The following HS3ST3B1 variants were observed in gnomAD, a reference collection of about 807,000 sequenced individuals.
The protein encoded by HS3ST3B1 is heparan sulfate-glucosamine 3-sulfotransferase 3B1.
In HS3ST3B1, 13 loss-of-function variants were observed where a neutral mutation model predicts 21.3. The ratio of observed to expected loss-of-function variants is 0.61; its 90% CI spans 0.40 to 0.97. HS3ST3B1 has a LOEUF of 0.97. HS3ST3B1 is among the 50% of genes least tolerant of loss of function. The probability of loss-of-function intolerance (pLI) is 0.00; values close to 1 mark genes in which losing one functional copy is unlikely to be tolerated. For missense variants in HS3ST3B1, 459 were observed against 554.8 expected, an observed-to-expected ratio of 0.83 and a Z score of 1.73; for synonymous variants, 234 against 254.8, an observed-to-expected ratio of 0.92 and a Z score of 0.78.
intron 1 of HS3ST3B1, among the ~76,000 whole-genome samples, chr17:14,332,502 A>T (rs1002913151): frequency 6.6e-6 from 1 of 151,784 alleles, no homozygotes; most frequent in Non-Finnish European, 1.5e-5. Context: ...CTAACCTAAA[A>T]GTCTGCAACC....
chr17:14,309,091 C>CA (rs931084025), intron 1 of HS3ST3B1, among the ~76,000 whole-genome samples: 82 of 152,340 alleles, frequency 5.4e-4, no homozygotes, highest in African/African-American at 1.9e-3. Flanking sequence ...CCGACGTTGC[C>CA]ACGTGTCCGC....
intron 1 of HS3ST3B1, among the ~76,000 whole-genome samples, chr17:14,315,887 C>T (rs1909482809): frequency 1.3e-5 from 2 of 151,708 alleles, no homozygotes; most frequent in South Asian, 4.2e-4. Flanking sequence ...TATTAGAGGC[C>T]CTGAGAAATA....
chr17:14,332,008 G>T (rs1004160983), intron 1 of HS3ST3B1, among the ~76,000 whole-genome samples: 2 of 152,188 alleles, frequency 1.3e-5, no homozygotes, highest in Non-Finnish European at 2.9e-5. Context: ...ACAACTTGCA[G>T]TTCAAATTAC....
intron 1 of HS3ST3B1, among the ~76,000 whole-genome samples, chr17:14,305,889 C>A (rs780109140): frequency 4.6e-5 from 7 of 152,116 alleles, no homozygotes; most frequent in Non-Finnish European, 8.8e-5. Flanking sequence ...GGTACTTTTA[C>A]AGGTGAGGAA....
rs147623147 is a variant in HS3ST3B1 at position 14,330,754 on chromosome 17, G to A, written c.555-14274G>A. On this transcript the variant is annotated intron_variant, in intron 1 of 1. Coordinates refer to ENST00000360954, the MANE Select transcript of HS3ST3B1 (RefSeq NM_006041.3). ...GGAATGAAGCTGGGAGCAGGGAGGG[G>A]ACTACAGAGGCATGCGAAAAAGAAA... Among the ~76,000 whole-genome samples the A allele has an allele frequency of 2.9e-3, 437 of 152,198 alleles. 2 individuals carry two copies. Among genetic ancestry groups the A allele is most frequent in the Non-Finnish European group, 4.9e-3 (335 of 68,000 alleles).
intron 1 of HS3ST3B1, chr17:14,304,031 A>G (rs1163369069): frequency 3.3e-5 from 5 of 152,258 alleles, no homozygotes; most frequent in African/African-American, 1.2e-4. Flanking sequence ...TTGACTAAAA[A>G]ACGCTGAATG....
chr17:14,339,311 A>G (rs1471750915), intron 1 of HS3ST3B1, among the ~76,000 whole-genome samples: 2 of 152,202 alleles, frequency 1.3e-5, no homozygotes, highest in African/African-American at 4.8e-5. Context: ...TTGGACGCCT[A>G]TTTGAACAAT....
intron 1 of HS3ST3B1, among the ~76,000 whole-genome samples, chr17:14,318,353 G>A (rs1909562366): frequency 6.6e-6 from 1 of 152,118 alleles, no homozygotes; most frequent in Admixed American, 6.6e-5. Flanking sequence ...GGGGATGAGG[G>A]AATTGCCACG....
intron 1 of HS3ST3B1, chr17:14,327,776 T>C (rs981751628): frequency 1.3e-5 from 2 of 152,264 alleles, no homozygotes; most frequent in African/African-American, 4.8e-5. Context: ...ACAAATATTT[T>C]CAAGTGCTTG....
chr17:14,341,376 C>A (rs1310577136), intron 1 of HS3ST3B1, among the ~76,000 whole-genome samples: 1 of 152,150 alleles, frequency 6.6e-6, no homozygotes, highest in Non-Finnish European at 1.5e-5. Context: ...AGTGACAAGT[C>A]CCCTGTGCAC....
Position 14,341,824 on chromosome 17 carries a change from A to C in HS3ST3B1, c.555-3204A>C, listed in dbSNP as rs559285337. On this transcript the variant is annotated intron_variant, in intron 1 of 1. Transcript: ENST00000360954. ...GTTGCAGATGGCTTAACACAGGGGA[A>C]AAAGAACTTGGGCTTTATCTGACTT... is the stretch of plus-strand genomic sequence containing the variant. Among the ~76,000 whole-genome samples, 5 of 152,352 alleles carry C rather than the reference A, an allele frequency of 3.3e-5. No individual in the cohort carries two copies. In the South Asian group the frequency reaches 1.0e-3, roughly 32 times the overall value.
At position 14,345,535 on chromosome 17, in the gene HS3ST3B1, C is replaced by A; in HGVS notation, c.1062C>A (p.Gly354=). The A allele has an allele frequency of 1.9e-6, 3 of 1,602,566 alleles. No homozygotes were observed. The highest frequency in any genetic ancestry group is 2.6e-6 in the Non-Finnish European group (3 of 1,173,760). The change falls in exon 2 of 2, where the codon GGC becomes GGA. Residue 354 remains glycine, a synonymous_variant. Coordinates refer to ENST00000360954, the MANE Select transcript of HS3ST3B1 (RefSeq NM_006041.3). ...SRPHCLGKTK[G]RTHPEIDREV... ...CCCATTGCCTGGGCAAGACCAAGGG[C>A]AGGACCCATCCTGAGATCGACCGCG...
intron 1 of HS3ST3B1, among the ~76,000 whole-genome samples, chr17:14,319,052 C>A (rs1909581143): frequency 6.6e-6 from 1 of 152,116 alleles, no homozygotes; most frequent in Non-Finnish European, 1.5e-5. Context: ...TGATCAGCCT[C>A]CAGATGTGGC....
rs1384823578 is a variant in HS3ST3B1 at position 14,302,202 on chromosome 17, G to C, written c.554+130G>C. 8 of 1,112,366 alleles carry C rather than the reference G, an allele frequency of 7.2e-6. No homozygotes were observed. In the East Asian group the frequency reaches 1.0e-4, roughly 14 times the overall value. 68.9% of individuals were successfully genotyped at this position (1,112,366 alleles called of 1,614,324 possible). On this transcript the variant is annotated intron_variant, in intron 1 of 1. Coordinates refer to ENST00000360954, the MANE Select transcript of HS3ST3B1 (RefSeq NM_006041.3). ...ACCCGGGGTAGGGCAGGGAAACTAC[G>C]GCAGATTGCGCAGCGCATCCTGTCC...
chr17:14,307,030 GT>G (rs3837820), intron 1 of HS3ST3B1, among the ~76,000 whole-genome samples: 9,268 of 152,138 alleles, frequency 0.061, 349 homozygotes, highest in South Asian at 0.14. Context: ...CTAATCATAA[GT>G]GTTTTCCCAG....
chr17:14,332,703 T>C (rs1044323741), intron 1 of HS3ST3B1, among the ~76,000 whole-genome samples: 1 of 151,620 alleles, frequency 6.6e-6, no homozygotes, highest in Non-Finnish European at 1.5e-5. Flanking sequence ...GAGCAGGAGC[T>C]AAGGATCCAG....
In HS3ST3B1 at chr17:14,345,564, T is replaced by C; in HGVS notation, c.1091T>C (p.Val364Ala). 1.9e-6 allele frequency: 3 copies of C among 1,579,000 alleles called. No individual in the cohort carries two copies. The highest frequency in any genetic ancestry group is 2.6e-6 in the Non-Finnish European group (3 of 1,165,342). Reference protein sequence around the residue: ...GRTHPEIDREVVRRLREFYRP... With the variant: ...GRTHPEIDREAVRRLREFYRP... The stretch of plus-strand genomic sequence containing the variant: ...ACCCATCCTGAGATCGACCGCGAGG[T>C]GGTGCGCAGGCTGCGCGAGTTCTAC... Residue 364 changes from valine to alanine, a missense_variant, in exon 2 of 2, where the codon GTG becomes GCG. Val to Ala is a moderately conservative substitution (Grantham distance 64). Around this residue, in one of 3 missense-constraint regions of HS3ST3B1, gnomAD observed 127 missense variants for 209.9 expected, o/e 0.60. Transcript: ENST00000360954.
chr17:14,329,764 A>G (rs1018428352), intron 1 of HS3ST3B1, among the ~76,000 whole-genome samples: 2 of 152,192 alleles, frequency 1.3e-5, no homozygotes, highest in East Asian at 1.9e-4. Context: ...AAATTACAAG[A>G]AATCCAAACT....
chr17:14,341,010 T>C (rs377246206), intron 1 of HS3ST3B1, among the ~76,000 whole-genome samples: 1 of 152,176 alleles, frequency 6.6e-6, no homozygotes, highest in African/African-American at 2.4e-5. Flanking sequence ...TTCTGACACA[T>C]GTGGACAAAC....
Sources: gnomAD v4.1 joint callset for allele counts (sites outside exome capture counted in the v4.1 genomes callset) on GRCh38, gnomAD v4.1.1 for gene constraint, gnomAD v4.1.1 regional missense constraint, MANE v1.5 for transcripts, NCBI Gene and HGNC (gene_info 2026-07-23, HGNC 2026-07-21) for gene names.